The following ACER1 variants were observed in gnomAD, a reference collection of about 807,000 sequenced individuals.
ACER1 encodes the protein CTB-180A7.3.
A neutral mutation model predicts 24.9 loss-of-function variants in ACER1; 28 were observed. The ratio of observed to expected loss-of-function variants is 1.13; its 90% CI spans 0.83 to 1.54. The LOEUF (loss-of-function observed/expected upper bound fraction) is 1.54, where lower values mean the gene tolerates loss of function less well. Among genes scored for constraint, ACER1 ranks in the 40% most tolerant of loss-of-function variants. The pLI is 0.00. For missense variants in ACER1, 352 were observed against 349.3 expected, an observed-to-expected ratio of 1.01 and a Z score of -0.06; for synonymous variants, 132 against 131.4, an observed-to-expected ratio of 1.00 and a Z score of -0.03.
At chr19:6,345,711 C>T in the ACER1 span, among the ~76,000 whole-genome samples, 1 of 151,234 alleles carries the variant, frequency 6.6e-6, no homozygotes, top group African/African-American at 2.4e-5. Context: ...ATTACAGGCG[C>T]GCACGACCAT....
the ACER1 span, among the ~76,000 whole-genome samples, chr19:6,358,009 GC>G: frequency 6.6e-6 from 1 of 152,158 alleles, no homozygotes; most frequent in Non-Finnish European, 1.5e-5. Flanking sequence ...GTGCAGGGCA[GC>G]GTCCGGAGGA....
chr19:6,322,832 C>T (rs546463980), intron 1 of ACER1, among the ~76,000 whole-genome samples: 10 of 152,212 alleles, frequency 6.6e-5, no homozygotes, highest in Middle Eastern at 3.4e-3. Context: ...GAGTTTCAGC[C>T]GGGCGTGGTG....
At chr19:6,337,599 G>A (rs2091719077), upstream of ACER1, among the ~76,000 whole-genome samples, 1 of 144,890 alleles carries the variant, frequency 6.9e-6, no homozygotes, top group African/African-American at 2.6e-5. Flanking sequence ...GATTACAGGC[G>A]TGGACCACCC....
chr19:6,318,764 C>G (rs1265392116), intron 1 of ACER1, among the ~76,000 whole-genome samples: 5 of 150,010 alleles, frequency 3.3e-5, no homozygotes, highest in Admixed American at 6.7e-5. Context: ...CCAGCCTGCG[C>G]AACAGAGCAA....
chr19:6,309,738 A>G lies in ACER1; in HGVS notation c.447T>C (p.Ile149=). The change falls in exon 4 of 6, where the codon ATT becomes ATC. Residue 149 remains isoleucine (I), a synonymous_variant. Coordinates refer to ENST00000301452, the MANE Select transcript of ACER1 (RefSeq NM_133492.3). The part of the protein sequence containing the change: ...PTVNAYALNS[I]ALHILYIVCQ... ...ACACGATGTAGAGAATGTGCAGGGC[A>G]ATGCTGTTGAGGGCGTAGGCGTTGA... The G allele has an allele frequency of 6.2e-7, 1 of 1,614,088 alleles. No individual in the cohort carries two copies. Among genetic ancestry groups the G allele is most frequent in the African/African-American group, 1.3e-5 (1 of 75,042 alleles).
At chr19:6,308,545 C>T (rs2091562711) in intron 4 of ACER1, among the ~76,000 whole-genome samples, 1 of 151,970 alleles carries the variant, frequency 6.6e-6, no homozygotes, top group Admixed American at 6.6e-5. Context: ...CATGGTTACA[C>T]AGCTGGTAAG....
chr19:6,352,768 C>A, the ACER1 span, among the ~76,000 whole-genome samples: 1 of 152,172 alleles, frequency 6.6e-6, no homozygotes, highest in African/African-American at 2.4e-5. Flanking sequence ...TGTCCATGAG[C>A]CATTCATTGG....
intron 1 of ACER1, among the ~76,000 whole-genome samples, chr19:6,332,796 G>A (rs1041473942): frequency 2.0e-5 from 3 of 152,044 alleles, no homozygotes; most frequent in Admixed American, 2.0e-4. Flanking sequence ...GTAGCCTCCT[G>A]AGTAGCTTGG....
In ACER1 at chr19:6,312,303, G is replaced by A; in HGVS notation, c.209-13C>T. On this transcript the variant is annotated splice_polypyrimidine_tract_variant and intron_variant, in intron 2 of 5. Coordinates refer to ENST00000301452, the MANE Select transcript of ACER1 (RefSeq NM_133492.3). ...ATGGAGAACAGGCCTGCAGCGGCAA[G>A]GGCAGGCGGTCAGTGGGGTCCGCCA... 6.2e-7 allele frequency: 1 copy of A among 1,613,878 alleles called. No individual in the cohort carries two copies. Among genetic ancestry groups the A allele is most frequent in the South Asian group, 1.1e-5 (1 of 91,052 alleles).
chr19:6,312,297 C>T lies in ACER1; in HGVS notation c.209-7G>A, dbSNP rs772174804. ...AAATACATGGAGAACAGGCCTGCAG[C>T]GGCAAGGGCAGGCGGTCAGTGGGGT... On this transcript the variant is annotated splice_polypyrimidine_tract_variant and splice_region_variant and intron_variant, in intron 2 of 5. Transcript: ENST00000301452. The T allele has an allele frequency of 1.4e-5, 23 of 1,613,802 alleles. No individual in the cohort carries two copies. Among genetic ancestry groups the T allele is most frequent in the Middle Eastern group, 1.6e-4 (1 of 6,082 alleles).
chr19:6,335,906 C>CTTTTCTTTTTTT (rs1555717055), upstream of ACER1, among the ~76,000 whole-genome samples: 4,806 of 141,278 alleles, frequency 0.034, 112 homozygotes, highest in African/African-American at 0.059. Context: ...TTTTTCTTTT[C>CTTTTCTTTTTTT]TTTTTTTTTT....
At chr19:6,308,325 C>G (rs2144994522) in intron 4 of ACER1, among the ~76,000 whole-genome samples, 1 of 150,532 alleles carries the variant, frequency 6.6e-6, no homozygotes, top group African/African-American at 2.4e-5. Flanking sequence ...ATTTCAGCTA[C>G]TCAGGAGGCT....
At chr19:6,348,335 C>G in the ACER1 span, among the ~76,000 whole-genome samples, 8,981 of 151,138 alleles carry the variant, frequency 0.059, 384 homozygotes, top group African/African-American at 0.12. Flanking sequence ...TGTGGTGGCA[C>G]GCGCCTGTAA....
At chr19:6,332,971 G>A (rs2091695884) in intron 1 of ACER1, among the ~76,000 whole-genome samples, 1 of 152,088 alleles carries the variant, frequency 6.6e-6, no homozygotes, top group Non-Finnish European at 1.5e-5. Context: ...GCCCAGCCAA[G>A]AGGTGAAACT....
In ACER1 at chr19:6,307,303, GA is replaced by G; in HGVS notation, c.489-14del. 6.2e-7 allele frequency: 1 copy of G among 1,613,624 alleles called. No individual in the cohort carries two copies. Among genetic ancestry groups the G allele is most frequent in the Non-Finnish European group, 8.5e-7 (1 of 1,179,934 alleles). ...CTTATTGCTGGTCCTAGAGAGGGGAGAGGGGGACCAGGGGCTGGCTCGGAGA... is the reference window on the plus strand; with the variant it reads ...CTTATTGCTGGTCCTAGAGAGGGGAGGGGGGACCAGGGGCTGGCTCGGAGA... On this transcript the variant is annotated splice_polypyrimidine_tract_variant and intron_variant, in intron 4 of 5. Transcript: ENST00000301452.
At chr19:6,352,068 A>G in the ACER1 span, among the ~76,000 whole-genome samples, 1 of 152,048 alleles carries the variant, frequency 6.6e-6, no homozygotes, top group East Asian at 1.9e-4. Flanking sequence ...AAAAAAAAAA[A>G]AAAAATTCAA....
chr19:6,306,723 C>G lies in ACER1; in HGVS notation c.786G>C (p.Lys262Asn). The change falls in exon 6 of 6, where the codon AAG (lysine) becomes AAC (asparagine). Residue 262 changes from lysine (K) to asparagine (N), a missense_variant. Coordinates refer to ENST00000301452, the MANE Select transcript of ACER1 (RefSeq NM_133492.3). ...LPYVEIRGDD[K>N]DC ...AAGAGGCTGGCAGGTCTCAGCAGTCCTTGTCATCACCCCGGATTTCCACGT... is the reference window on the plus strand; with the variant it reads ...AAGAGGCTGGCAGGTCTCAGCAGTCGTTGTCATCACCCCGGATTTCCACGT... 1 of 1,609,276 alleles carries G rather than the reference C, an allele frequency of 6.2e-7. No homozygotes were observed. Among genetic ancestry groups the G allele is most frequent in the Non-Finnish European group, 8.5e-7 (1 of 1,177,214 alleles).
intron 1 of ACER1, among the ~76,000 whole-genome samples, chr19:6,326,218 T>C (rs186090279): frequency 0.11 from 16,563 of 149,036 alleles, 1,255 homozygotes; most frequent in East Asian, 0.38. Flanking sequence ...CTCCGCCTCC[T>C]GGGTTCACCC....
the ACER1 span, among the ~76,000 whole-genome samples, chr19:6,353,160 C>T: frequency 2.6e-5 from 4 of 152,156 alleles, no homozygotes; most frequent in Non-Finnish European, 4.4e-5. Context: ...GAAATTCTGT[C>T]TCTATAAAAA....
Sources: gnomAD v4.1 joint callset for allele counts (sites outside exome capture counted in the v4.1 genomes callset) on GRCh38, gnomAD v4.1.1 for gene constraint, MANE v1.5 for transcripts, NCBI Gene and HGNC (gene_info 2026-07-23, HGNC 2026-07-21) for gene names.